The following NTM variants were observed in gnomAD, a reference collection of about 807,000 sequenced individuals.
NTM encodes the protein IgLON family member 2.
NTM carries 13 observed loss-of-function variants against 42.1 expected under a neutral mutation model. The observed-to-expected ratio is 0.31, with a 90% CI of 0.20 to 0.49. The LOEUF (loss-of-function observed/expected upper bound fraction) is 0.49. Ranked by LOEUF, NTM falls within the 20% of genes least tolerant of loss-of-function variation. The pLI is 0.99. For missense variants in NTM, 373 were observed against 452.8 expected, an observed-to-expected ratio of 0.82 and a Z score of 1.60; for synonymous variants, 187 against 179.2, an observed-to-expected ratio of 1.04 and a Z score of -0.35.
intron 1 of NTM, among the ~76,000 whole-genome samples, chr11:131,889,447 T>G (rs2050917064): frequency 6.6e-6 from 1 of 152,184 alleles, no homozygotes; most frequent in South Asian, 2.1e-4. Flanking sequence ...CTCCAGCCAT[T>G]TGTTCCTTTG....
intron 4 of NTM, among the ~76,000 whole-genome samples, chr11:132,270,975 T>A (rs977124940): frequency 6.6e-6 from 1 of 152,224 alleles, no homozygotes; most frequent in Non-Finnish European, 1.5e-5. Flanking sequence ...TTAAAAGTTA[T>A]ACAACTACCC....
At chr11:131,621,723 G>A (rs1162062429) in intron 1 of NTM, among the ~76,000 whole-genome samples, 3 of 150,772 alleles carry the variant, frequency 2.0e-5, no homozygotes, top group African/African-American at 7.3e-5. Flanking sequence ...TGAAGAGGCT[G>A]AGGTGGAATG....
chr11:132,089,976 C>A (rs2060197547), intron 2 of NTM, among the ~76,000 whole-genome samples: 1 of 152,114 alleles, frequency 6.6e-6, no homozygotes, highest in Non-Finnish European at 1.5e-5. Context: ...TGTATTTACA[C>A]TTCATGGAGC....
intron 1 of NTM, among the ~76,000 whole-genome samples, chr11:131,706,073 A>C (rs997679798): frequency 6.6e-6 from 1 of 152,130 alleles, no homozygotes; most frequent in Non-Finnish European, 1.5e-5. Context: ...ATCCAACTGC[A>C]TGCTACCTTT....
intron 2 of NTM, among the ~76,000 whole-genome samples, chr11:132,055,396 C>G (rs1328435967): frequency 1.3e-5 from 2 of 152,142 alleles, no homozygotes; most frequent in Admixed American, 6.5e-5. Context: ...AACACATTAT[C>G]TGGGCATACT....
chr11:131,605,613 T>C (rs2060881245), intron 1 of NTM: 1 of 163,800 alleles, frequency 6.1e-6, no homozygotes, highest in Non-Finnish European at 1.3e-5. Context: ...CCTAGTACAG[T>C]TCCTAATCTT....
intron 1 of NTM, chr11:131,767,148 A>T (rs1413534762): frequency 1.0e-6 from 1 of 980,902 alleles, no homozygotes; most frequent in African/African-American, 1.7e-5. Context: ...CAGGCTCCAG[A>T]TTCCCGATTT....
intron 1 of NTM, among the ~76,000 whole-genome samples, chr11:131,647,778 CCAAA>C (rs2065948630): frequency 6.6e-6 from 1 of 151,868 alleles, no homozygotes; most frequent in African/African-American, 2.4e-5. Context: ...TTTCAGGGAC[CCAAA>C]ACAGAAGAAA....
At chr11:131,647,751 A>G (rs1159564475) in intron 1 of NTM, among the ~76,000 whole-genome samples, 2 of 152,164 alleles carry the variant, frequency 1.3e-5, no homozygotes, top group Non-Finnish European at 2.9e-5. Context: ...GGGTCAAAAT[A>G]TTACTGCCCC....
At chr11:131,586,122 T>A (rs1369187793) in intron 1 of NTM, among the ~76,000 whole-genome samples, 2 of 152,148 alleles carry the variant, frequency 1.3e-5, no homozygotes, top group Non-Finnish European at 2.9e-5. Flanking sequence ...CCTTTTTTTT[T>A]GGATACAGGT....
chr11:131,452,227 C>T (rs1291075656), intron 1 of NTM, among the ~76,000 whole-genome samples: 1 of 152,212 alleles, frequency 6.6e-6, no homozygotes, highest in African/African-American at 2.4e-5. Flanking sequence ...AGTGCCTGGA[C>T]TCCCAAACTG....
chr11:132,013,912 T>C (rs1210448052), intron 2 of NTM, among the ~76,000 whole-genome samples: 1 of 152,118 alleles, frequency 6.6e-6, no homozygotes, highest in Non-Finnish European at 1.5e-5. Context: ...TCTAGCCATT[T>C]CGAAATGTAC....
intron 1 of NTM, among the ~76,000 whole-genome samples, chr11:131,467,781 G>A (rs1952032835): frequency 6.6e-6 from 1 of 152,166 alleles, no homozygotes; most frequent in Non-Finnish European, 1.5e-5. Flanking sequence ...TGCTGTGTGG[G>A]TCACAGTCTA....
intron 1 of NTM, among the ~76,000 whole-genome samples, chr11:131,562,385 A>T (rs1312942052): frequency 6.6e-6 from 1 of 152,222 alleles, no homozygotes; most frequent in Non-Finnish European, 1.5e-5. Flanking sequence ...ATGAGGAAAT[A>T]TCAAAATATG....
At chr11:132,213,648 C>T (rs2083281345) in intron 4 of NTM, among the ~76,000 whole-genome samples, 1 of 152,076 alleles carries the variant, frequency 6.6e-6, no homozygotes, top group Non-Finnish European at 1.5e-5. Flanking sequence ...GACAGTTGGC[C>T]CTAATGGATG....
intron 3 of NTM, among the ~76,000 whole-genome samples, chr11:132,163,000 CT>C (rs138528592): frequency 0.093 from 14,116 of 152,140 alleles, 863 homozygotes; most frequent in Middle Eastern, 0.15. Context: ...TAACTCTCCC[CT>C]GGTCCACCCC....
At chr11:131,736,010 T>C (rs2135532533) in intron 1 of NTM, among the ~76,000 whole-genome samples, 1 of 152,224 alleles carries the variant, frequency 6.6e-6, no homozygotes, top group South Asian at 2.1e-4. Context: ...TTTTTGTATT[T>C]TTAGTAGAGA....
intron 4 of NTM, among the ~76,000 whole-genome samples, chr11:132,272,623 T>C (rs2093534962): frequency 6.6e-6 from 1 of 152,162 alleles, no homozygotes; most frequent in East Asian, 1.9e-4. Context: ...CATTTTATTC[T>C]TTTTGATACT....
chr11:131,576,542 C>A (rs1343302627), intron 1 of NTM, among the ~76,000 whole-genome samples: 1 of 152,184 alleles, frequency 6.6e-6, no homozygotes, highest in African/African-American at 2.4e-5. Context: ...ACTAGACACA[C>A]TGGAGAGGCT....
Sources: gnomAD v4.1 joint callset for allele counts (sites outside exome capture counted in the v4.1 genomes callset) on GRCh38, gnomAD v4.1.1 for gene constraint, MANE v1.5 for transcripts, NCBI Gene and HGNC (gene_info 2026-07-23, HGNC 2026-07-21) for gene names.